Variants in PLCB4 observed in about 807,000 individuals in gnomAD.
The protein encoded by PLCB4 is 1-phosphatidylinositol 4,5-bisphosphate phosphodiesterase beta-4.
PLCB4 carries 77 observed loss-of-function variants against 178.8 expected under a neutral mutation model. The ratio of observed to expected loss-of-function variants is 0.43; its 90% CI spans 0.36 to 0.52. PLCB4 has a LOEUF of 0.52. Among genes scored for constraint, PLCB4 ranks in the 20% least tolerant of loss-of-function variants. The probability of loss-of-function intolerance (pLI) is 0.00; values close to 1 mark genes in which losing one functional copy is unlikely to be tolerated. For synonymous variants in PLCB4, 496 were observed against 490.8 expected (o/e 1.01, Z -0.14); for missense variants, 1,024 against 1,453.4 (o/e 0.70, Z 4.80).
At chr20:9,171,375 A>G (rs1184332586) in intron 2 of PLCB4, among the ~76,000 whole-genome samples, 1 of 152,204 alleles carries the variant, frequency 6.6e-6, no homozygotes, top group Non-Finnish European at 1.5e-5. Flanking sequence ...TTCAAAAAGT[A>G]CAGTATGCAA....
In PLCB4 at chr20:9,479,753, G is replaced by C. The variant is rs1257247669; in HGVS notation, c.*744G>C. The C allele has an allele frequency of 6.6e-6, 1 of 152,594 alleles. No homozygotes were observed. The highest frequency in any genetic ancestry group is 1.5e-5 in the Non-Finnish European group (1 of 68,050). 9.5% of individuals were successfully genotyped at this position (152,594 alleles called of 1,614,324 possible). On this transcript the variant is annotated 3_prime_UTR_variant, in exon 40 of 40. Transcript: ENST00000378473. ...GATTGTGAAGTGGTTATTGGCAAAC[G>C]TTTGTAAATGTGACCATGTATAAAG...
intron 4 of PLCB4, among the ~76,000 whole-genome samples, chr20:9,333,584 A>G (rs1339677983): frequency 6.6e-6 from 1 of 152,158 alleles, no homozygotes; most frequent in Admixed American, 6.6e-5. Context: ...AGGAGTTGGG[A>G]TTTTATCCTA....
intron 7 of PLCB4, among the ~76,000 whole-genome samples, chr20:9,351,604 T>TA (rs1400063637): frequency 1.2e-4 from 18 of 152,210 alleles, no homozygotes; most frequent in African/African-American, 4.1e-4. Context: ...GGGGAGACTT[T>TA]ACCTTAAAAG....
At chr20:9,357,913 G>C (rs2034985019) in intron 7 of PLCB4, among the ~76,000 whole-genome samples, 1 of 152,200 alleles carries the variant, frequency 6.6e-6, no homozygotes, top group South Asian at 2.1e-4. Context: ...GAGGGGGGCT[G>C]CTCTTTTAGA....
At chr20:9,176,876 A>G (rs1337094025) in intron 2 of PLCB4, among the ~76,000 whole-genome samples, 2 of 152,190 alleles carry the variant, frequency 1.3e-5, no homozygotes, top group Admixed American at 1.3e-4. Context: ...ACTTGGGAAA[A>G]GATAACTGCC....
At chr20:9,317,437 T>C (rs1486377072) in intron 4 of PLCB4, among the ~76,000 whole-genome samples, 2 of 152,174 alleles carry the variant, frequency 1.3e-5, no homozygotes, top group Non-Finnish European at 2.9e-5. Flanking sequence ...CTTCCCTCTC[T>C]GAAGTTTCTT....
chr20:9,215,332 T>A (rs1029294878), intron 2 of PLCB4, among the ~76,000 whole-genome samples: 3 of 152,174 alleles, frequency 2.0e-5, no homozygotes, highest in African/African-American at 7.2e-5. Flanking sequence ...ATGGAAGAAG[T>A]GGCACTGTAG....
chr20:9,360,348 A>G (rs1460183523), intron 7 of PLCB4, among the ~76,000 whole-genome samples: 1 of 152,222 alleles, frequency 6.6e-6, no homozygotes, highest in African/African-American at 2.4e-5. Flanking sequence ...CCAGCGTTGT[A>G]TGTTCAAAAG....
chr20:9,327,603 C>T (rs2030886152), intron 4 of PLCB4, among the ~76,000 whole-genome samples: 1 of 151,052 alleles, frequency 6.6e-6, no homozygotes, highest in Non-Finnish European at 1.5e-5. Context: ...AGACAAACCC[C>T]ATCTCTACTA....
At chr20:9,467,632 AG>A (rs929557568) in intron 35 of PLCB4, among the ~76,000 whole-genome samples, 2 of 152,170 alleles carry the variant, frequency 1.3e-5, no homozygotes, top group Non-Finnish European at 2.9e-5. Context: ...GAATACAGAA[AG>A]GTCAATTTCC....
At chr20:9,308,084 C>T (rs528517394) in intron 4 of PLCB4, among the ~76,000 whole-genome samples, 186 bp downstream of exon 4, 9 of 151,966 alleles carry the variant, frequency 5.9e-5, no homozygotes, top group East Asian at 5.8e-4. Context: ...AATTTTTGAG[C>T]GCTCACTATG....
At chr20:9,407,702 T>A (rs908939910) in intron 21 of PLCB4, among the ~76,000 whole-genome samples, 1 of 152,240 alleles carries the variant, frequency 6.6e-6, no homozygotes. Flanking sequence ...AAATGTAAGA[T>A]AAGCTTAATA....
At chr20:9,313,280 T>C (rs182892710) in intron 4 of PLCB4, among the ~76,000 whole-genome samples, 5 of 152,326 alleles carry the variant, frequency 3.3e-5, no homozygotes, top group Non-Finnish European at 2.9e-5. Context: ...AGAAAACATT[T>C]AATTATTTTT....
In PLCB4 at chr20:9,474,065, A is replaced by G. The variant is rs189552117; in HGVS notation, c.3495+700A>G. On this transcript the variant is annotated intron_variant, in intron 38 of 39. Coordinates refer to ENST00000378473, the MANE Select transcript of PLCB4 (RefSeq NM_001377142.1). ...AGCCCCGTCTCTACTAAAAATACAA[A>G]AATTAGCCGGGCCTGGTGGCATGCA... Among the ~76,000 whole-genome samples, 907 of 152,226 alleles carry G rather than the reference A, an allele frequency of 6.0e-3. 5 individuals carry two copies. Among genetic ancestry groups the G allele is most frequent in the Middle Eastern group, 0.014 (4 of 294 alleles).
chr20:9,195,211 A>T (rs1437735759), intron 2 of PLCB4, among the ~76,000 whole-genome samples: 3 of 152,204 alleles, frequency 2.0e-5, no homozygotes, highest in Non-Finnish European at 2.9e-5. Flanking sequence ...ACTGGGGCTT[A>T]TCACACTTTA....
chr20:9,408,182 A>G (rs981439684), intron 22 of PLCB4, 124 bp downstream of exon 22: 8 of 804,024 alleles, frequency 9.9e-6, no homozygotes, highest in Non-Finnish European at 1.0e-5. Flanking sequence ...ACCTCACCTT[A>G]TTTTTGTTTC....
chr20:9,207,496 C>G (rs2093627302), intron 2 of PLCB4, among the ~76,000 whole-genome samples: 2 of 152,230 alleles, frequency 1.3e-5, no homozygotes, highest in Admixed American at 1.3e-4. Flanking sequence ...ACTCCCCACC[C>G]CAGCTCTACC....
chr20:9,364,643 C>T (rs534844470), intron 8 of PLCB4, among the ~76,000 whole-genome samples: 1 of 152,346 alleles, frequency 6.6e-6, no homozygotes. Flanking sequence ...TCTTCTCTCA[C>T]TCTCTTCATC....
chr20:9,414,091 A>G (rs2040070734), intron 25 of PLCB4, among the ~76,000 whole-genome samples: 2 of 152,224 alleles, frequency 1.3e-5, no homozygotes, highest in Admixed American at 6.5e-5. Context: ...ATTTTAAAAT[A>G]CCTTCACAGA....
Sources: gnomAD v4.1 joint callset for allele counts (sites outside exome capture counted in the v4.1 genomes callset) on GRCh38, gnomAD v4.1.1 for gene constraint, MANE v1.5 for transcripts, NCBI Gene and HGNC (gene_info 2026-07-23, HGNC 2026-07-21) for gene names.